The following MED27 variants were observed in gnomAD, a reference collection of about 807,000 sequenced individuals.
MED27 encodes the protein mediator of RNA polymerase II transcription subunit 27.
A neutral mutation model predicts 38.2 loss-of-function variants in MED27; 30 were observed. The ratio of observed to expected loss-of-function variants is 0.79; its 90% CI spans 0.59 to 1.07. The LOEUF (loss-of-function observed/expected upper bound fraction) is 1.07. Ranked by LOEUF, MED27 falls within the 50% of genes least tolerant of loss-of-function variation. The pLI is 0.00. For synonymous variants in MED27, 122 were observed against 153.5 expected, an observed-to-expected ratio of 0.79 and a Z score of 1.52; for missense variants, 289 against 397.5, an observed-to-expected ratio of 0.73 and a Z score of 2.32.
intron 2 of MED27, among the ~76,000 whole-genome samples, chr9:132,037,201 CAG>C (rs1833097666): frequency 6.6e-6 from 1 of 152,162 alleles, no homozygotes; most frequent in African/African-American, 2.4e-5. Flanking sequence ...CCGTTTATCA[CAG>C]AGAACAGTAA....
intron 4 of MED27, among the ~76,000 whole-genome samples, chr9:131,930,983 T>C (rs988040653): frequency 6.6e-6 from 1 of 152,148 alleles, no homozygotes; most frequent in African/African-American, 2.4e-5. Context: ...CGGTGGCTCA[T>C]GCCTGTAATC....
intron 6 of MED27, among the ~76,000 whole-genome samples, chr9:131,866,507 C>T (rs545148639): frequency 1.0e-3 from 158 of 152,380 alleles, no homozygotes; most frequent in Non-Finnish European, 1.6e-3. Context: ...AGTTATCTAT[C>T]TCAAATCCTT....
Position 131,861,397 on chromosome 9 carries a change from G to T in MED27, c.802-725C>A, listed in dbSNP as rs1437713847. ...CAGCAGGCAAGCAAGTTCTCGCGGT[G>T]AAAGGGCACGTGAATCTTGTCATTT... is the stretch of plus-strand genomic sequence containing the variant. On this transcript the variant is annotated intron_variant, in intron 7 of 7. Coordinates refer to ENST00000292035, the MANE Select transcript of MED27 (RefSeq NM_004269.4). The surrounding 1 kb of genome is among the most constrained non-coding windows in gnomAD (Gnocchi z 4.4). 6.6e-6 allele frequency among the ~76,000 whole-genome samples: 1 copy of T among 152,182 alleles called. No homozygotes were observed. The highest frequency in any genetic ancestry group is 2.4e-5 in the African/African-American group (1 of 41,436).
chr9:131,863,114 C>G lies in MED27; in HGVS notation c.750G>C (p.Leu250=). Residue 250 remains leucine (L), a synonymous_variant, in exon 7 of 8, where the codon CTG becomes CTC. Coordinates refer to ENST00000292035, the MANE Select transcript of MED27 (RefSeq NM_004269.4). ...QKVTDHATTA[L]LHYQLPQMPD... is the part of the protein sequence containing the mutation. ...GCATCTGGGGCAGCTGATAGTGGAGCAGGGCAGTGGTGGCATGGTCTGTCA... is the reference window on the plus strand; with the variant it reads ...GCATCTGGGGCAGCTGATAGTGGAGGAGGGCAGTGGTGGCATGGTCTGTCA... The G allele has an allele frequency of 6.2e-7, 1 of 1,614,138 alleles. No individual in the cohort carries two copies. Among genetic ancestry groups the G allele is most frequent in the Non-Finnish European group, 8.5e-7 (1 of 1,180,030 alleles).
At chr9:132,043,134 G>A (rs1833256160) in intron 2 of MED27, among the ~76,000 whole-genome samples, 1 of 151,808 alleles carries the variant, frequency 6.6e-6, no homozygotes, top group Non-Finnish European at 1.5e-5. Context: ...TATAGGGTGA[G>A]GGTCAAAAAA....
At chr9:131,996,814 T>C (rs116265653) in intron 3 of MED27, among the ~76,000 whole-genome samples, 2 of 152,362 alleles carry the variant, frequency 1.3e-5, no homozygotes, top group African/African-American at 2.4e-5. Flanking sequence ...TTTATGAGGA[T>C]CCACTTCCAC....
intron 4 of MED27, among the ~76,000 whole-genome samples, chr9:131,922,978 C>T (rs915846942): frequency 2.6e-4 from 40 of 152,162 alleles, no homozygotes; most frequent in African/African-American, 8.4e-4. Context: ...CAGCAAGATG[C>T]TCTAGGCTCA....
Position 132,063,603 on chromosome 9 carries a change from G to A in MED27, c.348+13839C>T, listed in dbSNP as rs139031655. On this transcript the variant is annotated intron_variant, in intron 2 of 7. Coordinates refer to ENST00000292035, the MANE Select transcript of MED27 (RefSeq NM_004269.4). Reference sequence around the variant, plus strand: ...AACACGGACTGTTCTGTTTTAGACTGGGAAAAACAAGGGATAGGGGAATGT... The same window carrying A: ...AACACGGACTGTTCTGTTTTAGACTAGGAAAAACAAGGGATAGGGGAATGT... Among the ~76,000 whole-genome samples, 216 of 152,270 alleles carry A rather than the reference G, an allele frequency of 1.4e-3. 1 individual carries two copies. Among genetic ancestry groups the A allele is most frequent in the African/African-American group, 5.1e-3 (210 of 41,550 alleles).
intron 2 of MED27, among the ~76,000 whole-genome samples, chr9:132,044,655 C>A (rs1196142847): frequency 6.6e-6 from 1 of 152,242 alleles, no homozygotes; most frequent in Admixed American, 6.5e-5. Flanking sequence ...GCTGACCTCA[C>A]ATCTGAAGGA....
chr9:131,908,808 C>T (rs1416812445), intron 4 of MED27, among the ~76,000 whole-genome samples: 1 of 151,740 alleles, frequency 6.6e-6, no homozygotes, highest in Non-Finnish European at 1.5e-5. Flanking sequence ...TGCTGACCTT[C>T]CCTCCACTAT....
intron 4 of MED27, among the ~76,000 whole-genome samples, chr9:131,918,624 G>C (rs1830334635): frequency 6.6e-6 from 1 of 151,634 alleles, no homozygotes; most frequent in South Asian, 2.1e-4. Context: ...TGAAAAACAG[G>C]TTTAATGCCC....
chr9:131,985,359 A>G (rs1055188836), intron 3 of MED27, among the ~76,000 whole-genome samples: 1 of 152,190 alleles, frequency 6.6e-6, no homozygotes, highest in Admixed American at 6.5e-5. Flanking sequence ...TGTCATCCCA[A>G]TCTCCTCATT....
At chr9:131,900,186 G>A (rs935551546) in intron 4 of MED27, among the ~76,000 whole-genome samples, 72 of 152,176 alleles carry the variant, frequency 4.7e-4, no homozygotes, top group Admixed American at 1.6e-3. Flanking sequence ...TCTGGCCATC[G>A]CCTCCCAGAA....
At chr9:131,932,610 T>C (rs1830611960) in intron 4 of MED27, among the ~76,000 whole-genome samples, 1 of 151,074 alleles carries the variant, frequency 6.6e-6, no homozygotes, top group African/African-American at 2.4e-5. Context: ...GTAATGACAT[T>C]GATGCAGTAA....
intron 3 of MED27, among the ~76,000 whole-genome samples, chr9:131,967,297 C>G (rs1423082465): frequency 6.6e-6 from 1 of 152,162 alleles, no homozygotes; most frequent in Non-Finnish European, 1.5e-5. Flanking sequence ...CCCAATAAAT[C>G]TCTCTTAAAT....
chr9:132,026,015 A>G (rs1018584343), intron 2 of MED27, among the ~76,000 whole-genome samples: 3 of 152,194 alleles, frequency 2.0e-5, no homozygotes, highest in Non-Finnish European at 4.4e-5. Context: ...TGGCTGAGTC[A>G]TAAGAGAGTT....
intron 2 of MED27, chr9:132,073,359 G>A (rs1233621619): frequency 3.9e-5 from 39 of 1,007,338 alleles, no homozygotes; most frequent in Middle Eastern, 4.8e-4. Context: ...AAAACGCTTC[G>A]ATTCATTTAT....
chr9:131,936,345 TGG>T (rs1273131564), intron 4 of MED27, among the ~76,000 whole-genome samples: 4 of 152,120 alleles, frequency 2.6e-5, no homozygotes, highest in African/African-American at 7.2e-5. Flanking sequence ...TGAGCACAGT[TGG>T]TGCTACCCAC....
chr9:131,977,551 C>A (rs984098156), intron 3 of MED27, among the ~76,000 whole-genome samples: 1 of 152,124 alleles, frequency 6.6e-6, no homozygotes, highest in Admixed American at 6.5e-5. Context: ...CTCTGCTCTG[C>A]GGCTGGCTGT....
Sources: allele counts gnomAD v4.1 joint callset (sites outside exome capture counted in the v4.1 genomes callset), GRCh38; gene constraint gnomAD v4.1.1; non-coding constraint Gnocchi (gnomAD v3.1); transcripts MANE v1.5; gene names NCBI Gene and HGNC (gene_info 2026-07-23, HGNC 2026-07-21).